The following PRKG1 variants were observed in gnomAD, a reference collection of about 807,000 sequenced individuals.
The protein encoded by PRKG1 is protein kinase cGMP-dependent 1.
A neutral mutation model predicts 88.1 loss-of-function variants in PRKG1; 35 were observed. That is an observed-to-expected ratio of 0.40 (90% CI 0.30 to 0.53). The LOEUF (loss-of-function observed/expected upper bound fraction) is 0.53, where lower values mean the gene tolerates loss of function less well. PRKG1 is among the 20% of genes least tolerant of loss of function. The probability of loss-of-function intolerance (pLI) is 0.59; values close to 1 mark genes in which losing one functional copy is unlikely to be tolerated. For synonymous variants in PRKG1, 303 were observed against 292.5 expected, an observed-to-expected ratio of 1.04 and a Z score of -0.37; for missense variants, 540 against 839.8, an observed-to-expected ratio of 0.64 and a Z score of 4.41.
chr10:51,471,045 C>T (rs1171167813), intron 3 of PRKG1, among the ~76,000 whole-genome samples: 2 of 151,836 alleles, frequency 1.3e-5, no homozygotes, highest in Admixed American at 6.6e-5. Flanking sequence ...TCATAGTCTG[C>T]TCCTGTCTTA....
intron 2 of PRKG1, among the ~76,000 whole-genome samples, chr10:51,456,692 C>T (rs1839595167): frequency 6.6e-6 from 1 of 152,106 alleles, no homozygotes; most frequent in Non-Finnish European, 1.5e-5. Flanking sequence ...ACCTATGCTT[C>T]TGACAAAGGA....
intron 3 of PRKG1, among the ~76,000 whole-genome samples, chr10:51,652,266 T>C (rs1190729024): frequency 6.6e-6 from 1 of 152,084 alleles, no homozygotes; most frequent in East Asian, 1.9e-4. Flanking sequence ...GATGTTAATA[T>C]TTTTTGTTTA....
At chr10:51,652,722 C>A (rs962691472) in intron 3 of PRKG1, among the ~76,000 whole-genome samples, 2 of 152,002 alleles carry the variant, frequency 1.3e-5, no homozygotes, top group African/African-American at 4.8e-5. Context: ...TCTATCATAT[C>A]TTTTTGTGGT....
At chr10:51,629,840 T>C (rs993901321) in intron 3 of PRKG1, among the ~76,000 whole-genome samples, 7 of 152,164 alleles carry the variant, frequency 4.6e-5, no homozygotes, top group African/African-American at 1.7e-4. Flanking sequence ...AAAGCTGAGA[T>C]AGATGATCAT....
chr10:51,993,275 T>C (rs1844357347), intron 5 of PRKG1, among the ~76,000 whole-genome samples: 1 of 152,158 alleles, frequency 6.6e-6, no homozygotes, highest in African/African-American at 2.4e-5. Flanking sequence ...TAAGTGGCTC[T>C]GGCTCAGTAG....
intron 3 of PRKG1, among the ~76,000 whole-genome samples, chr10:51,733,817 T>C (rs1238450978): frequency 6.6e-6 from 1 of 152,172 alleles, no homozygotes; most frequent in Non-Finnish European, 1.5e-5. Context: ...TTGAGTACCT[T>C]GGGACCCTCA....
chr10:51,156,297 G>GCACGCACACACACACACACA (rs1846209742), intron 2 of PRKG1, among the ~76,000 whole-genome samples: 1 of 35,134 alleles, frequency 2.8e-5, no homozygotes, highest in Non-Finnish European at 5.5e-5. Flanking sequence ...TTTGATGCAA[G>GCACGCACACACACACACACA]CACACACACA....
At chr10:51,984,587 G>T (rs992640152) in intron 5 of PRKG1, among the ~76,000 whole-genome samples, 2 of 152,142 alleles carry the variant, frequency 1.3e-5, no homozygotes, top group African/African-American at 4.8e-5. Flanking sequence ...AATACCTGTA[G>T]ATGCAACATT....
At chr10:51,419,990 C>T (rs952640599) in intron 2 of PRKG1, among the ~76,000 whole-genome samples, 17 of 152,158 alleles carry the variant, frequency 1.1e-4, no homozygotes, top group Admixed American at 9.2e-4. Flanking sequence ...AACAAAATAA[C>T]CCCAGAATAA....
chr10:51,125,860 CTA>C (rs1023032963), intron 1 of PRKG1, among the ~76,000 whole-genome samples: 1 of 135,746 alleles, frequency 7.4e-6, no homozygotes, highest in Non-Finnish European at 1.5e-5. Context: ...ATAATTATAA[CTA>C]TATAATTTTT....
At chr10:51,491,958 G>T (rs1047994918) in intron 3 of PRKG1, among the ~76,000 whole-genome samples, 2 of 152,086 alleles carry the variant, frequency 1.3e-5, no homozygotes, top group Non-Finnish European at 2.9e-5. Context: ...GAGTGAAAGC[G>T]ATGGTTTTCT....
At position 51,080,336 on chromosome 10, in the gene PRKG1, G is replaced by A. The variant is rs80118774; in HGVS notation, c.311+5435G>A. ...TTGCTCTACTGGGTCACATTTCCAA[G>A]CTCCTGCTACTTGTTATCTGGATTC... On this transcript the variant is annotated intron_variant, in intron 1 of 17. Coordinates refer to ENST00000373980, the MANE Select transcript of PRKG1 (RefSeq NM_006258.4). Among the ~76,000 whole-genome samples, 25 of 152,286 alleles carry A rather than the reference G, an allele frequency of 1.6e-4. No individual in the cohort carries two copies. In the East Asian group the frequency reaches 3.9e-3, roughly 24 times the overall value.
chr10:52,047,464 C>A (rs1845889025), intron 5 of PRKG1, among the ~76,000 whole-genome samples: 1 of 152,106 alleles, frequency 6.6e-6, no homozygotes. Context: ...AGCTAACTGG[C>A]TCCAGAATAG....
At chr10:52,207,723 C>G (rs1839857954) in intron 9 of PRKG1, among the ~76,000 whole-genome samples, 1 of 152,058 alleles carries the variant, frequency 6.6e-6, no homozygotes, top group Non-Finnish European at 1.5e-5. Flanking sequence ...AAGAGCAGAC[C>G]ACTCCTTACC....
chr10:51,302,550 A>T (rs1840919005), intron 2 of PRKG1: 1 of 93,330 alleles, frequency 1.1e-5, no homozygotes, highest in Non-Finnish European at 2.1e-5. Context: ...TGGTAGCAAA[A>T]CATCACTTTT....
chr10:51,861,373 A>G (rs566463297), intron 4 of PRKG1, among the ~76,000 whole-genome samples: 48 of 152,358 alleles, frequency 3.2e-4, no homozygotes, highest in African/African-American at 1.1e-3. Context: ...CTACTCCAAC[A>G]GTGTCTTTCT....
chr10:51,113,944 C>CATGT (rs373884187), intron 1 of PRKG1, among the ~76,000 whole-genome samples: 9 of 139,028 alleles, frequency 6.5e-5, no homozygotes, highest in Admixed American at 2.2e-4. Flanking sequence ...AGCCTGTAAA[C>CATGT]GTGTGTGTGT....
At chr10:51,363,677 G>T (rs997297043) in intron 2 of PRKG1, among the ~76,000 whole-genome samples, 1 of 151,768 alleles carries the variant, frequency 6.6e-6, no homozygotes, top group Admixed American at 6.6e-5. Flanking sequence ...ACAGCTTAAG[G>T]TGATGGTGGT....
At chr10:51,441,823 T>A (rs1275245387) in intron 2 of PRKG1, among the ~76,000 whole-genome samples, 1 of 152,026 alleles carries the variant, frequency 6.6e-6, no homozygotes, top group Non-Finnish European at 1.5e-5. Flanking sequence ...TACACCACTC[T>A]CATCTGTCTT....
Sources: gnomAD v4.1 joint callset for allele counts (sites outside exome capture counted in the v4.1 genomes callset) on GRCh38, gnomAD v4.1.1 for gene constraint, MANE v1.5 for transcripts, NCBI Gene and HGNC (gene_info 2026-07-23, HGNC 2026-07-21) for gene names.